Variants in TMEM248 observed in about 807,000 individuals in gnomAD.
TMEM248 encodes the protein transmembrane protein 248.
A neutral mutation model predicts 30.3 loss-of-function variants in TMEM248; 9 were observed. The ratio of observed to expected loss-of-function variants is 0.30; its 90% confidence interval spans 0.18 to 0.52. TMEM248 has a LOEUF of 0.52. Among genes scored for constraint, TMEM248 ranks in the 20% least tolerant of loss-of-function variants. The pLI is 0.97. For synonymous variants in TMEM248, 184 were observed against 154.4 expected, an observed-to-expected ratio of 1.19 and a Z score of -1.42; for missense variants, 338 against 403.3, an observed-to-expected ratio of 0.84 and a Z score of 1.39.
chr7:66,931,706 G>A (rs1425463698), intron 1 of TMEM248, among the ~76,000 whole-genome samples: 2 of 151,302 alleles, frequency 1.3e-5, no homozygotes, highest in Non-Finnish European at 2.9e-5. Flanking sequence ...TCTAACTCCT[G>A]GCCTCAAGCA....
At chr7:66,947,155 C>G (rs917440733) in intron 3 of TMEM248, among the ~76,000 whole-genome samples, 2 of 136,948 alleles carry the variant, frequency 1.5e-5, no homozygotes, top group Non-Finnish European at 3.0e-5. Flanking sequence ...GTCGAGGCTA[C>G]AGTGAGCTAA....
At chr7:66,945,999 G>A (rs1792092199) in intron 3 of TMEM248, among the ~76,000 whole-genome samples, 1 of 151,786 alleles carries the variant, frequency 6.6e-6, no homozygotes, top group Admixed American at 6.6e-5. Flanking sequence ...CAGGAGAATA[G>A]CTTGAACCCA....
rs759201356 is a variant in TMEM248 at position 66,948,554 on chromosome 7, C to T, written c.456C>T (p.Ala152=). The change falls in exon 4 of 7, where the codon GCC becomes GCT. Residue 152 remains alanine (A), a synonymous_variant. Transcript: ENST00000341567. ...GHQIGLSGRE[A]HEEINITFTL... ...ATTTCTCTTTCATAGGCAGGGAAGC[C>T]CACGAGGAGATAAACATCACCTTCA... is the stretch of plus-strand genomic sequence containing the variant. The T allele has an allele frequency of 5.0e-6, 8 of 1,613,414 alleles. No homozygotes were observed. The highest frequency in any genetic ancestry group is 5.9e-6 in the Non-Finnish European group (7 of 1,179,742).
Position 66,950,378 on chromosome 7 carries a change from T to G in TMEM248, c.597-574T>G, listed in dbSNP as rs1449984818. Among the ~76,000 whole-genome samples, 9 of 152,252 alleles carry G rather than the reference T, an allele frequency of 5.9e-5. No individual in the cohort carries two copies. In the East Asian group the frequency reaches 1.7e-3, roughly 29 times the overall value. On this transcript the variant is annotated intron_variant, in intron 4 of 6. Coordinates refer to ENST00000341567, the MANE Select transcript of TMEM248 (RefSeq NM_017994.5). Reference sequence around the variant, plus strand: ...TGCTGCTGTTCTCATAGTAAGAGAGTTCCCATGAGATATGATGGTTTTATA... The same window carrying G: ...TGCTGCTGTTCTCATAGTAAGAGAGGTCCCATGAGATATGATGGTTTTATA...
At chr7:66,929,029 C>T (rs374001871) in intron 1 of TMEM248, among the ~76,000 whole-genome samples, 3 of 152,112 alleles carry the variant, frequency 2.0e-5, no homozygotes, top group Admixed American at 6.6e-5. Flanking sequence ...CTCAAGTGAT[C>T]GGCTGGCCTC....
intron 3 of TMEM248, among the ~76,000 whole-genome samples, chr7:66,946,075 ACTCT>A (rs1226719931): frequency 7.1e-6 from 1 of 140,106 alleles, no homozygotes; most frequent in East Asian, 2.1e-4. Flanking sequence ...ACAGAGGGAG[ACTCT>A]CTCTCCAAAA....
At chr7:66,922,666 G>A (rs1259020699) in intron 1 of TMEM248, among the ~76,000 whole-genome samples, 1 of 151,778 alleles carries the variant, frequency 6.6e-6, no homozygotes, top group Non-Finnish European at 1.5e-5. Context: ...TCTCCGTTTA[G>A]GCTCTAGCTG....
rs536882175 is a variant in TMEM248 at position 66,927,392 on chromosome 7, G to A, written c.-19+5931G>A. 1.7e-4 allele frequency among the ~76,000 whole-genome samples: 25 copies of A among 151,006 alleles called. No homozygotes were observed. The South Asian group carries it at 5.2e-3, about 32-fold the overall frequency. On this transcript the variant is annotated intron_variant, in intron 1 of 6. Coordinates refer to ENST00000341567, the MANE Select transcript of TMEM248 (RefSeq NM_017994.5). ...ACTACTGATGTTGCCTAAACTACACGTTTAGCAACTAAAACTATGCTTTCT... is the reference window on the plus strand; with the variant it reads ...ACTACTGATGTTGCCTAAACTACACATTTAGCAACTAAAACTATGCTTTCT...
chr7:66,929,374 A>G (rs142849847), intron 1 of TMEM248, among the ~76,000 whole-genome samples: 1 of 150,960 alleles, frequency 6.6e-6, no homozygotes, highest in African/African-American at 2.4e-5. Flanking sequence ...GGTGTCAGGC[A>G]CTGTCCAAGG....
At chr7:66,923,561 G>T (rs1199100720) in intron 1 of TMEM248, among the ~76,000 whole-genome samples, 5 of 152,226 alleles carry the variant, frequency 3.3e-5, no homozygotes. Flanking sequence ...CCCAGGCTAG[G>T]TAGCTGGACA....
chr7:66,936,701 A>G (rs140062679), intron 1 of TMEM248, among the ~76,000 whole-genome samples: 37 of 152,244 alleles, frequency 2.4e-4, no homozygotes, highest in African/African-American at 8.4e-4. Flanking sequence ...TTGTGTGTGT[A>G]TAGGAATTCA....
intron 2 of TMEM248, among the ~76,000 whole-genome samples, chr7:66,942,424 A>G (rs1244037513): frequency 6.6e-6 from 1 of 152,242 alleles, no homozygotes; most frequent in East Asian, 1.9e-4. Context: ...TATCAGCTAT[A>G]CTAATGGTTT....
intron 4 of TMEM248, 133 bp from the exon 5 acceptor site, chr7:66,950,819 G>T (rs1199756319): frequency 8.3e-6 from 5 of 604,790 alleles, no homozygotes; most frequent in African/African-American, 1.9e-5. Context: ...AAAGAAGCAT[G>T]AACGTGTAAG....
At chr7:66,953,495 TGG>T (rs1792322084) in intron 6 of TMEM248, 126 bp downstream of exon 6, 3 of 1,306,610 alleles carry the variant, frequency 2.3e-6, no homozygotes, top group Non-Finnish European at 2.1e-6. Context: ...AGTCATCCCT[TGG>T]TATCCGAGGA....
At chr7:66,951,168 G>GTGCA (rs1185617321) in intron 5 of TMEM248, 33 bp downstream of exon 5, 2 of 1,536,018 alleles carry the variant, frequency 1.3e-6, no homozygotes, top group African/African-American at 1.4e-5. Flanking sequence ...GTGTGTGTGC[G>GTGCA]TGCATGCATA....
chr7:66,937,850 A>T (rs1053590594), intron 1 of TMEM248, among the ~76,000 whole-genome samples: 3 of 152,094 alleles, frequency 2.0e-5, no homozygotes, highest in Non-Finnish European at 4.4e-5. Context: ...AGCTGGGATT[A>T]TAGGCATGCA....
rs528603605 is a variant in TMEM248, at chr7:66,934,031, G to A, written c.-18-7817G>A. 2.2e-3 allele frequency among the ~76,000 whole-genome samples: 340 copies of A among 151,288 alleles called. 2 individuals carry two copies. Among genetic ancestry groups the A allele is most frequent in the African/African-American group, 8.0e-3 (330 of 41,254 alleles). On this transcript the variant is annotated intron_variant, in intron 1 of 6. Transcript: ENST00000341567. The stretch of plus-strand genomic sequence containing the variant: ...TAAAACTAACATTTGCCACTGTGAC[G>A]CTTACAGAAATTTTCTCGTAACTCT...
intron 1 of TMEM248, among the ~76,000 whole-genome samples, chr7:66,922,463 G>C (rs1434545985): frequency 6.6e-6 from 1 of 152,068 alleles, no homozygotes; most frequent in African/African-American, 2.4e-5. Context: ...AAATAGACCT[G>C]TCGCGCACCT....
intron 2 of TMEM248, among the ~76,000 whole-genome samples, chr7:66,944,110 T>C (rs1792034697): frequency 6.7e-6 from 1 of 148,154 alleles, no homozygotes; most frequent in African/African-American, 2.5e-5. Flanking sequence ...TGGCTTTTTT[T>C]TTTTTTTTTT....
Sources: gnomAD v4.1 joint callset for allele counts (sites outside exome capture counted in the v4.1 genomes callset) on GRCh38, gnomAD v4.1.1 for gene constraint, MANE v1.5 for transcripts, NCBI Gene and HGNC (gene_info 2026-07-23, HGNC 2026-07-21) for gene names.